BICDL1: variants seen among roughly 807,000 people sequenced by gnomAD.
The protein encoded by BICDL1 is BICD family like cargo adaptor 1.
BICDL1 carries 20 observed loss-of-function variants against 76.8 expected under a neutral mutation model. The ratio of observed to expected loss-of-function variants is 0.26; its 90% CI spans 0.18 to 0.38. BICDL1 has a LOEUF of 0.38. Among genes scored for constraint, BICDL1 ranks in the 10% least tolerant of loss-of-function variants. BICDL1 has a pLI of 1.00. For missense variants in BICDL1, 700 were observed against 798.6 expected (o/e 0.88, Z 1.49); for synonymous variants, 383 against 337.1 (o/e 1.14, Z -1.49).
chr12:120,061,847 G>A lies in BICDL1; in HGVS notation c.762+21G>A, dbSNP rs749712985. ...CCGAGGTGAGCCTCCCGACACAGCA[G>A]TGCTGGAAGGTGGAGTGCTTTTCTC... On this transcript the variant is annotated intron_variant, in intron 3 of 9. Transcript: ENST00000548673. The A allele has an allele frequency of 6.4e-6, 10 of 1,558,444 alleles. No homozygotes were observed. The South Asian group carries it at 1.0e-4, about 16-fold the overall frequency.
At chr12:120,006,991 G>T (rs1039106763) in intron 2 of BICDL1, among the ~76,000 whole-genome samples, 1 of 152,154 alleles carries the variant, frequency 6.6e-6, no homozygotes, top group South Asian at 2.1e-4. Flanking sequence ...GATTATGGAA[G>T]TGTTGAAACG....
At chr12:119,997,438 G>A (rs1018965486) in intron 1 of BICDL1, among the ~76,000 whole-genome samples, 2 of 152,190 alleles carry the variant, frequency 1.3e-5, no homozygotes, top group African/African-American at 4.8e-5. Flanking sequence ...CCCTAGGACT[G>A]TGCTTGGCTC....
intron 2 of BICDL1, among the ~76,000 whole-genome samples, chr12:120,058,695 A>G (rs1240421266): frequency 6.8e-6 from 1 of 147,690 alleles, no homozygotes; most frequent in East Asian, 2.0e-4. Flanking sequence ...GGTTTAAGCG[A>G]TTCTCCTGCC....
intron 2 of BICDL1, among the ~76,000 whole-genome samples, chr12:120,007,484 A>G (rs779343968): frequency 6.6e-6 from 1 of 152,114 alleles, no homozygotes; most frequent in Non-Finnish European, 1.5e-5. Context: ...CAGCTCCTAG[A>G]AGAACCACCT....
At chr12:120,092,975 G>A in intron 9 of BICDL1, 25 bp from the exon 10 acceptor site, 1 of 1,532,154 alleles carries the variant, frequency 6.5e-7, no homozygotes, top group South Asian at 1.3e-5. Context: ...ACTCAGTCCT[G>A]GCCACTGTCC....
chr12:120,044,679 CTTGT>C (rs1422950027), intron 2 of BICDL1, among the ~76,000 whole-genome samples: 1 of 152,126 alleles, frequency 6.6e-6, no homozygotes, highest in Non-Finnish European at 1.5e-5. Context: ...TTCCCCATTG[CTTGT>C]TTTTCTCAGG....
At chr12:120,010,950 G>C (rs978190698) in intron 2 of BICDL1, among the ~76,000 whole-genome samples, 2 of 152,064 alleles carry the variant, frequency 1.3e-5, no homozygotes, top group Admixed American at 6.5e-5. Flanking sequence ...AAAAGGGGTG[G>C]TATTCATTAT....
intron 2 of BICDL1, among the ~76,000 whole-genome samples, chr12:120,008,268 C>T (rs1951887766): frequency 6.6e-6 from 1 of 151,172 alleles, no homozygotes; most frequent in Non-Finnish European, 1.5e-5. Flanking sequence ...AGGTGATCCT[C>T]CCACCTCAGC....
chr12:120,018,729 G>T (rs1952116342), intron 2 of BICDL1, among the ~76,000 whole-genome samples: 1 of 151,980 alleles, frequency 6.6e-6, no homozygotes, highest in Non-Finnish European at 1.5e-5. Flanking sequence ...TTATGGGGTT[G>T]TTAGGGTTGT....
chr12:120,063,809 G>A (rs1395448177), intron 3 of BICDL1, among the ~76,000 whole-genome samples: 1 of 150,346 alleles, frequency 6.7e-6, no homozygotes, highest in Non-Finnish European at 1.5e-5. Context: ...GGGCTTTCTG[G>A]ACCCCCTGAG....
rs146015593 is a variant in BICDL1, at chr12:120,091,722, C to T, written c.1705-1278C>T. The T allele has an allele frequency of 1.8e-3, 1,731 of 985,364 alleles. 5 individuals are homozygous for T. The highest frequency in any genetic ancestry group is 1.9e-3 in the Non-Finnish European group (1,592 of 829,926). The allele number at this position is 985,364 out of a possible 1,614,324, so 61.0% of individuals were successfully genotyped here. A position where few individuals can be genotyped will look rare whatever the true frequency, so the allele number is the denominator to read the frequency against. On this transcript the variant is annotated intron_variant, in intron 9 of 9. Coordinates refer to ENST00000548673, the MANE Select transcript of BICDL1 (RefSeq NM_001367886.1). Reference sequence around the variant, plus strand: ...GGGGTCCACACTCACTGCTACCCCACGATGACTCAGGAAGGCCCCTTTGTT... The same window carrying T: ...GGGGTCCACACTCACTGCTACCCCATGATGACTCAGGAAGGCCCCTTTGTT...
At chr12:120,050,924 G>C (rs1199292475) in intron 2 of BICDL1, among the ~76,000 whole-genome samples, 1 of 152,180 alleles carries the variant, frequency 6.6e-6, no homozygotes, top group Non-Finnish European at 1.5e-5. Context: ...GAGCCACTGG[G>C]CCTGGCCTGG....
At chr12:120,029,726 T>C (rs1273990436) in intron 2 of BICDL1, among the ~76,000 whole-genome samples, 1 of 151,786 alleles carries the variant, frequency 6.6e-6, no homozygotes, top group Non-Finnish European at 1.5e-5. Context: ...AGTGTCGCGA[T>C]CTCACTGCAG....
rs200425537 is a variant in BICDL1 at position 120,025,049 on chromosome 12, C to CTT, written c.645+26329_645+26330dup. Among the ~76,000 whole-genome samples, 83 of 127,862 alleles carry CTT rather than the reference C, an allele frequency of 6.5e-4. 1 individual carries two copies. The highest frequency in any genetic ancestry group is 1.3e-3 in the African/African-American group (43 of 33,316). The allele number at this position is 127,862 out of a possible 152,430, so 83.9% of individuals were successfully genotyped here. ...GTGTGTGTGATATTATACTTTCTTT[C>CTT]TTTTTTTTTTTTTTTTTGAGACGGA... On this transcript the variant is annotated intron_variant, in intron 2 of 9. Transcript: ENST00000548673.
intron 2 of BICDL1, among the ~76,000 whole-genome samples, chr12:120,021,586 C>CAAAAAAAAAAA (rs145151630): frequency 2.2e-5 from 1 of 46,324 alleles, no homozygotes. Flanking sequence ...GACTCCATCT[C>CAAAAAAAAAAA]AAAAAAAAAA....
intron 2 of BICDL1, among the ~76,000 whole-genome samples, chr12:120,003,155 C>CG (rs1951789564): frequency 1.5e-5 from 1 of 68,600 alleles, no homozygotes. Context: ...AAGACCCCAT[C>CG]TTTAAAAAAA....
chr12:120,039,476 A>G (rs558003394), intron 2 of BICDL1, among the ~76,000 whole-genome samples: 1 of 151,812 alleles, frequency 6.6e-6, no homozygotes, highest in East Asian at 1.9e-4. Context: ...CATCTCTACT[A>G]AAAATACAAA....
chr12:120,047,634 A>G (rs1193501784), intron 2 of BICDL1, among the ~76,000 whole-genome samples: 6 of 152,292 alleles, frequency 3.9e-5, no homozygotes, highest in Non-Finnish European at 8.8e-5. Flanking sequence ...CATTTCATAT[A>G]TATTATTGCA....
intron 8 of BICDL1, among the ~76,000 whole-genome samples, chr12:120,087,494 G>C (rs559435104): frequency 3.3e-5 from 5 of 152,240 alleles, no homozygotes; most frequent in Non-Finnish European, 7.3e-5. Flanking sequence ...CGGTTAGTGC[G>C]GTCGGTGTTG....
Sources: gnomAD v4.1 joint callset for allele counts (sites outside exome capture counted in the v4.1 genomes callset) on GRCh38, gnomAD v4.1.1 for gene constraint, MANE v1.5 for transcripts, NCBI Gene and HGNC (gene_info 2026-07-23, HGNC 2026-07-21) for gene names.